The following C8orf34 variants were observed in gnomAD, a reference collection of about 807,000 sequenced individuals.
C8orf34 encodes uncharacterized protein C8orf34.
In C8orf34, 65 loss-of-function variants were observed where a neutral mutation model predicts 68.3. The ratio of observed to expected loss-of-function variants is 0.95; its 90% CI spans 0.78 to 1.17. The LOEUF (loss-of-function observed/expected upper bound fraction) is 1.17. C8orf34 is among the 50% of genes most tolerant of loss of function. The pLI, the probability that C8orf34 is intolerant of heterozygous loss-of-function variation, is 0.00. For synonymous variants in C8orf34, 244 were observed against 241.2 expected (o/e 1.01, Z -0.11); for missense variants, 664 against 655.4 (o/e 1.01, Z -0.14).
intron 3 of C8orf34, among the ~76,000 whole-genome samples, chr8:68,459,644 A>G (rs1811704915): frequency 6.6e-6 from 1 of 152,232 alleles, no homozygotes. Flanking sequence ...TGAATCCAGC[A>G]ATCCCACTAC....
chr8:68,786,694 A>T (rs1823856170), intron 11 of C8orf34, among the ~76,000 whole-genome samples: 1 of 152,204 alleles, frequency 6.6e-6, no homozygotes, highest in Non-Finnish European at 1.5e-5. Context: ...AACATGTTAG[A>T]CAAGTATGGA....
intron 7 of C8orf34, among the ~76,000 whole-genome samples, chr8:68,619,735 A>G (rs1193324239): frequency 6.6e-6 from 1 of 152,184 alleles, no homozygotes; most frequent in African/African-American, 2.4e-5. Flanking sequence ...CTAATTCCAC[A>G]TGTTCTCCCT....
At chr8:68,675,316 T>A (rs564156120) in intron 8 of C8orf34, among the ~76,000 whole-genome samples, 1 of 152,000 alleles carries the variant, frequency 6.6e-6, no homozygotes, top group African/African-American at 2.4e-5. Context: ...ATATCTTGAG[T>A]AGAAAAACTA....
At chr8:68,582,951 C>T (rs1483812150) in intron 7 of C8orf34, among the ~76,000 whole-genome samples, 1 of 152,088 alleles carries the variant, frequency 6.6e-6, no homozygotes, top group African/African-American at 2.4e-5. Flanking sequence ...TTGGTGCCTT[C>T]TCCATTGATA....
At chr8:68,426,518 CAAAAAAAA>C (rs753578060) in intron 1 of C8orf34, among the ~76,000 whole-genome samples, 1 of 29,608 alleles carries the variant, frequency 3.4e-5, no homozygotes, top group Non-Finnish European at 7.3e-5. Flanking sequence ...GACCTTGTCT[CAAAAAAAA>C]AAAAAAAAAA....
At chr8:68,487,900 A>G (rs1813145550) in intron 4 of C8orf34, 123 bp from the exon 5 acceptor site, 1 of 620,528 alleles carries the variant, frequency 1.6e-6, no homozygotes, top group South Asian at 2.0e-5. Flanking sequence ...TGAAGCACTA[A>G]TAAAAAGAAA....
At chr8:68,386,396 A>C (rs977589006) in intron 1 of C8orf34, among the ~76,000 whole-genome samples, 1 of 152,342 alleles carries the variant, frequency 6.6e-6, no homozygotes, top group African/African-American at 2.4e-5. Flanking sequence ...AACCTTAAGA[A>C]GGAAGACTTA....
intron 11 of C8orf34, among the ~76,000 whole-genome samples, chr8:68,786,504 C>A (rs564439337): frequency 7.9e-5 from 12 of 152,172 alleles, no homozygotes; most frequent in African/African-American, 2.6e-4. Context: ...ATAATAGGCA[C>A]ATAAAGGAAT....
At chr8:68,742,545 C>T (rs573181912) in intron 10 of C8orf34, among the ~76,000 whole-genome samples, 2 of 152,276 alleles carry the variant, frequency 1.3e-5, no homozygotes, top group Admixed American at 1.3e-4. Flanking sequence ...AATCCTTTCT[C>T]CCCATTTCTA....
chr8:68,534,041 A>G (rs999510144), intron 7 of C8orf34: 2 of 981,954 alleles, frequency 2.0e-6, no homozygotes, highest in African/African-American at 3.5e-5. Context: ...AATATAGGCC[A>G]TTTTCTGAAG....
At chr8:68,534,137 T>A (rs1815366176) in intron 7 of C8orf34, 1 of 984,924 alleles carries the variant, frequency 1.0e-6, no homozygotes, top group African/African-American at 1.7e-5. Context: ...TTGCTTATCA[T>A]TTTTGCATAG....
intron 8 of C8orf34, among the ~76,000 whole-genome samples, chr8:68,692,476 G>A (rs749926812): frequency 5.3e-5 from 8 of 152,030 alleles, no homozygotes; most frequent in Non-Finnish European, 8.8e-5. Flanking sequence ...CAGGGAATGA[G>A]TAGTTCACAA....
intron 1 of C8orf34, among the ~76,000 whole-genome samples, chr8:68,372,413 G>C (rs1343812067): frequency 6.6e-6 from 1 of 152,112 alleles, no homozygotes; most frequent in African/African-American, 2.4e-5. Flanking sequence ...TGAGAAGAAA[G>C]CTTAGCCTAG....
At chr8:68,650,434 T>C (rs1235363920) in intron 8 of C8orf34, among the ~76,000 whole-genome samples, 10 of 151,712 alleles carry the variant, frequency 6.6e-5, no homozygotes, top group Non-Finnish European at 1.5e-4. Context: ...ACCAGGTGTG[T>C]CATTTGCATC....
At chr8:68,593,799 CT>C (rs1302284806) in intron 7 of C8orf34, among the ~76,000 whole-genome samples, 2 of 151,700 alleles carry the variant, frequency 1.3e-5, no homozygotes, top group Non-Finnish European at 1.5e-5. Context: ...CTGATCTAGC[CT>C]TTGTCATTTT....
At chr8:68,334,890 C>T (rs1438528099) in intron 1 of C8orf34, among the ~76,000 whole-genome samples, 1 of 152,178 alleles carries the variant, frequency 6.6e-6, no homozygotes, top group Non-Finnish European at 1.5e-5. Flanking sequence ...TGCTGTTGCC[C>T]AGCTTGCTCT....
At chr8:68,557,576 A>G (rs1226668997) in intron 7 of C8orf34, among the ~76,000 whole-genome samples, 2 of 152,136 alleles carry the variant, frequency 1.3e-5, no homozygotes, top group Non-Finnish European at 2.9e-5. Flanking sequence ...TAAGTAGCAA[A>G]ACCTCCACCT....
At chr8:68,537,872 C>T (rs1815543490) in intron 7 of C8orf34, among the ~76,000 whole-genome samples, 1 of 151,936 alleles carries the variant, frequency 6.6e-6, no homozygotes, top group Non-Finnish European at 1.5e-5. Context: ...AATCTGCATG[C>T]CACCAAAATA....
intron 5 of C8orf34, among the ~76,000 whole-genome samples, chr8:68,518,017 C>T (rs1427954078): frequency 1.3e-5 from 2 of 152,114 alleles, no homozygotes; most frequent in Non-Finnish European, 2.9e-5. Flanking sequence ...TCAATTTGTC[C>T]ATTCCACAGT....
Sources: allele counts gnomAD v4.1 joint callset (sites outside exome capture counted in the v4.1 genomes callset), GRCh38; gene constraint gnomAD v4.1.1; transcripts MANE v1.5; gene names NCBI Gene and HGNC (gene_info 2026-07-23, HGNC 2026-07-21).